Variants in PCDHGA2 observed in about 807,000 individuals in gnomAD.
PCDHGA2 encodes protocadherin gamma subfamily A, 2, also known as protocadherin gamma-A2.
In PCDHGA2, 40 loss-of-function variants were observed where a neutral mutation model predicts 59.2. The ratio of observed to expected loss-of-function variants is 0.68; its 90% CI spans 0.52 to 0.88. PCDHGA2 has a LOEUF of 0.88. PCDHGA2 is among the 40% of genes least tolerant of loss of function. The pLI, the probability that PCDHGA2 is intolerant of heterozygous loss-of-function variation, is 0.00. For missense variants in PCDHGA2, 1,226 were observed against 1,204.0 expected, an observed-to-expected ratio of 1.02 and a Z score of -0.27; for synonymous variants, 560 against 526.0, an observed-to-expected ratio of 1.06 and a Z score of -0.89.
intron 1 of PCDHGA2, chr5:141,441,855 G>T (rs1210416963): frequency 2.8e-6 from 1 of 351,872 alleles, no homozygotes; most frequent in Admixed American, 4.0e-5. Context: ...ATATGGTGCT[G>T]CACGCCGCGG....
chr5:141,372,305 C>G, intron 1 of PCDHGA2: 2 of 1,613,260 alleles, frequency 1.2e-6, no homozygotes, highest in South Asian at 1.1e-5. Context: ...ACAGGGAGGC[C>G]GCCCGCCAGC....
chr5:141,416,504 C>CA (rs1467352050), intron 1 of PCDHGA2: 4 of 152,040 alleles, frequency 2.6e-5, no homozygotes, highest in African/African-American at 9.7e-5. Context: ...AGATATATGA[C>CA]AAAGCTATTT....
chr5:141,341,123 C>T lies in PCDHGA2; in HGVS notation c.2152C>T (p.Arg718Cys), dbSNP rs1273607583. 1 of 1,614,204 alleles carries T rather than the reference C, an allele frequency of 6.2e-7. No individual in the cohort carries two copies. The highest frequency in any genetic ancestry group is 8.5e-7 in the Non-Finnish European group (1 of 1,180,050). ...CGTGTTGCTGGCGCACAGGCTGCGGCGCTGGCACAAGTCACGCCTGCTGCA... is the reference window on the plus strand; with the variant it reads ...CGTGTTGCTGGCGCACAGGCTGCGGTGCTGGCACAAGTCACGCCTGCTGCA... ...VIVLLAHRLR[R>C]WHKSRLLQAS... The change falls in exon 1 of 4, where the codon CGC becomes TGC. Residue 718 changes from arginine to cysteine, a missense_variant. Coordinates refer to ENST00000394576, the MANE Select transcript of PCDHGA2 (RefSeq NM_018915.4).
At chr5:141,430,551 C>T (rs2097292247) in intron 1 of PCDHGA2, 2 of 406,412 alleles carry the variant, frequency 4.9e-6, no homozygotes, top group Admixed American at 4.1e-5. Context: ...CCGCTGTTCA[C>T]CAATCGGGGA....
At chr5:141,376,032 GCCAGC>G in intron 1 of PCDHGA2, 1 of 1,613,116 alleles carries the variant, frequency 6.2e-7, no homozygotes, top group South Asian at 1.1e-5. Flanking sequence ...CAGGACCACG[GCCAGC>G]CCCCTCTCTC....
intron 1 of PCDHGA2, among the ~76,000 whole-genome samples, chr5:141,346,853 T>A (rs1757817314): frequency 6.6e-6 from 1 of 152,228 alleles, no homozygotes; most frequent in East Asian, 1.9e-4. Context: ...TTTAAATCCC[T>A]GTGCTTTGGA....
At chr5:141,478,269 A>G in intron 1 of PCDHGA2, 1 of 1,614,146 alleles carries the variant, frequency 6.2e-7, no homozygotes, top group Non-Finnish European at 8.5e-7. Flanking sequence ...TTCAAAGTTT[A>G]CAAGTGGAAG....
chr5:141,481,348 T>C (rs2099536105), intron 1 of PCDHGA2, among the ~76,000 whole-genome samples: 1 of 152,250 alleles, frequency 6.6e-6, no homozygotes, highest in Non-Finnish European at 1.5e-5. Flanking sequence ...TATTTAAACA[T>C]CTACAGCTGT....
intron 1 of PCDHGA2, chr5:141,415,755 T>TTTG: frequency 1.4e-6 from 2 of 1,387,632 alleles, no homozygotes; most frequent in Middle Eastern, 2.6e-4. Context: ...TTTTTTTTTT[T>TTTG]TTTTTTTTTT....
chr5:141,490,862 C>G lies in PCDHGA2; in HGVS notation c.2425-3945C>G. 1 of 1,613,878 alleles carries G rather than the reference C, an allele frequency of 6.2e-7. No homozygotes were observed. Among genetic ancestry groups the G allele is most frequent in the East Asian group, 2.2e-5 (1 of 44,874 alleles). ...GTGGTGGGGGTTCGAGACTCCGGCTCTCCCCCATTGCATGCCAACACATCT... is the reference window on the plus strand; with the variant it reads ...GTGGTGGGGGTTCGAGACTCCGGCTGTCCCCCATTGCATGCCAACACATCT... On this transcript the variant is annotated intron_variant, in intron 1 of 3. Coordinates refer to ENST00000394576, the MANE Select transcript of PCDHGA2 (RefSeq NM_018915.4). The surrounding 1 kb of genome is among the most constrained non-coding windows in gnomAD (Gnocchi z 5.4).
Position 141,512,423 on chromosome 5 carries a change from T to C in PCDHGA2, c.*1250T>C, listed in dbSNP as rs2099884220. ...GATGGGGCTTCTTCAACAGGGCCCC[T>C]GCCCTCCTGAAGCCTCAGTCCTTCA... is the stretch of plus-strand genomic sequence containing the variant. On this transcript the variant is annotated 3_prime_UTR_variant, in exon 4 of 4. Transcript: ENST00000394576. 1 of 152,754 alleles carries C rather than the reference T, an allele frequency of 6.5e-6. No individual in the cohort carries two copies. The highest frequency in any genetic ancestry group is 6.5e-5 in the Admixed American group (1 of 15,274). The allele number at this position is 152,754 out of a possible 1,614,324, so 9.5% of individuals were successfully genotyped here.
intron 1 of PCDHGA2, chr5:141,356,408 G>A (rs375778889): frequency 6.3e-7 from 1 of 1,595,544 alleles, no homozygotes; most frequent in Non-Finnish European, 8.5e-7. Context: ...AATTATTATC[G>A]GTTGTTGACA....
chr5:141,466,468 T>C (rs1266315455), intron 1 of PCDHGA2, among the ~76,000 whole-genome samples: 1 of 152,368 alleles, frequency 6.6e-6, no homozygotes, highest in East Asian at 1.9e-4. Flanking sequence ...TTGTTTCTGC[T>C]GTTAATTGTA....
chr5:141,491,528 C>T lies in PCDHGA2; in HGVS notation c.2425-3279C>T, dbSNP rs745806026. ...GGCACGCTCAAGTACATGGAGGTGACGCTGCGGCCCACAGACTCGCAGAGC... is the reference window on the plus strand; with the variant it reads ...GGCACGCTCAAGTACATGGAGGTGATGCTGCGGCCCACAGACTCGCAGAGC... On this transcript the variant is annotated intron_variant, in intron 1 of 3. Coordinates refer to ENST00000394576, the MANE Select transcript of PCDHGA2 (RefSeq NM_018915.4). The surrounding 1 kb of genome is among the most constrained non-coding windows in gnomAD (Gnocchi z 6.9). 4 of 1,613,950 alleles carry T rather than the reference C, an allele frequency of 2.5e-6. No individual in the cohort carries two copies. Among genetic ancestry groups the T allele is most frequent in the South Asian group, 1.1e-5 (1 of 91,092 alleles).
At chr5:141,427,617 G>A (rs1295636754) in intron 1 of PCDHGA2, 3 of 694,694 alleles carry the variant, frequency 4.3e-6, no homozygotes, top group Admixed American at 2.0e-5. Flanking sequence ...TGAAGTCAAC[G>A]ACAATGCTCC....
chr5:141,446,771 A>G (rs1008985621), intron 1 of PCDHGA2, among the ~76,000 whole-genome samples: 3 of 152,158 alleles, frequency 2.0e-5, no homozygotes, highest in Admixed American at 2.0e-4. Flanking sequence ...CCAGCCGGTT[A>G]CCATTCTTTT....
At chr5:141,379,014 T>G (rs1440666109) in intron 1 of PCDHGA2, 1 of 152,222 alleles carries the variant, frequency 6.6e-6, no homozygotes, top group East Asian at 1.9e-4. Flanking sequence ...TCTCCAGTCA[T>G]GAGTTGGAAG....
At chr5:141,408,967 G>GC in intron 1 of PCDHGA2, 2 of 1,613,782 alleles carry the variant, frequency 1.2e-6, no homozygotes, top group Non-Finnish European at 1.7e-6. Context: ...GTGAAAATCT[G>GC]CCCCCTGGGT....
intron 1 of PCDHGA2, among the ~76,000 whole-genome samples, chr5:141,363,610 T>C (rs561380927): frequency 6.6e-6 from 1 of 152,382 alleles, no homozygotes; most frequent in Admixed American, 6.5e-5. Context: ...CTGTCTGAGA[T>C]AGTGGAGAGA....
Sources: allele counts gnomAD v4.1 joint callset (sites outside exome capture counted in the v4.1 genomes callset), GRCh38; gene constraint gnomAD v4.1.1; non-coding constraint Gnocchi (gnomAD v3.1); transcripts MANE v1.5; gene names NCBI Gene and HGNC (gene_info 2026-07-23, HGNC 2026-07-21).